The following RORA variants were observed in gnomAD, a reference collection of about 807,000 sequenced individuals.
RORA encodes RAR related orphan receptor A.
Under a neutral mutation model 69.5 loss-of-function variants are expected in RORA, and 7 were observed. That is an observed-to-expected ratio of 0.10 (90% confidence interval 0.06 to 0.19). The LOEUF is 0.19. Ranked by LOEUF, RORA falls within the 10% of genes least tolerant of loss-of-function variation. The pLI, the probability that RORA is intolerant of heterozygous loss-of-function variation, is 1.00. For synonymous variants in RORA, 261 were observed against 240.8 expected, an observed-to-expected ratio of 1.08 and a Z score of -0.78; for missense variants, 457 against 663.0, an observed-to-expected ratio of 0.69 and a Z score of 3.41.
intron 1 of RORA, among the ~76,000 whole-genome samples, chr15:61,198,518 G>C (rs1316377692): frequency 6.6e-6 from 1 of 152,116 alleles, no homozygotes; most frequent in Non-Finnish European, 1.5e-5. Flanking sequence ...TCCATCCTTT[G>C]AAACTAGACT....
At chr15:61,004,097 G>T (rs1246292524) in intron 1 of RORA, among the ~76,000 whole-genome samples, 3 of 152,168 alleles carry the variant, frequency 2.0e-5, no homozygotes, top group African/African-American at 7.2e-5. Flanking sequence ...ATCCCAGAGT[G>T]AAGGGGAGTC....
intron 1 of RORA, among the ~76,000 whole-genome samples, chr15:60,752,217 T>G (rs143078020): frequency 1.8e-3 from 275 of 152,028 alleles, no homozygotes; most frequent in South Asian, 3.8e-3. Flanking sequence ...CAACCAAAAT[T>G]TTGCGCACCA....
chr15:61,042,943 C>G (rs1394482375), intron 1 of RORA, among the ~76,000 whole-genome samples: 2 of 152,172 alleles, frequency 1.3e-5, no homozygotes, highest in Non-Finnish European at 2.9e-5. Context: ...AGCAGAGAAA[C>G]TGAGCAAGGG....
At chr15:60,554,284 C>G (rs1595964233) in intron 2 of RORA, among the ~76,000 whole-genome samples, 1 of 152,068 alleles carries the variant, frequency 6.6e-6, no homozygotes, top group Non-Finnish European at 1.5e-5. Context: ...AATAAAAGCA[C>G]AAGGCTATTA....
At chr15:60,779,408 C>G (rs1285278553) in intron 1 of RORA, among the ~76,000 whole-genome samples, 1 of 152,194 alleles carries the variant, frequency 6.6e-6, no homozygotes, top group African/African-American at 2.4e-5. Context: ...CAGTCTAATG[C>G]ATCTCTCCAT....
intron 1 of RORA, among the ~76,000 whole-genome samples, chr15:60,793,797 AAGGCTTACTGGCCACCAAATCCTGGG>A (rs2072451216): frequency 6.6e-6 from 1 of 152,184 alleles, no homozygotes; most frequent in African/African-American, 2.4e-5. Context: ...GCTAGACTCC[AAGGCTTACTGGCCACCAAATCCTGGG>A]AGGCTGCCCT....
Position 61,213,006 on chromosome 15 carries a change from T to A in RORA, c.166+16047A>T, listed in dbSNP as rs1261811724. 1.3e-5 allele frequency among the ~76,000 whole-genome samples: 2 copies of A among 152,154 alleles called. No individual in the cohort carries two copies. Among genetic ancestry groups the A allele is most frequent in the Non-Finnish European group, 2.9e-5 (2 of 68,016 alleles). On this transcript the variant is annotated intron_variant, in intron 1 of 10. Coordinates refer to ENST00000335670, the MANE Select transcript of RORA (RefSeq NM_134261.3). This position sits in a 1 kb window ranked among gnomAD's most constrained non-coding sequence, Gnocchi z 4.1. Reference sequence around the variant, plus strand: ...TTTTGTTTTCTTGCCTAATGCCACATGTAACATATTGTCACCTGCTCCCTG... The same window carrying A: ...TTTTGTTTTCTTGCCTAATGCCACAAGTAACATATTGTCACCTGCTCCCTG...
At chr15:60,527,780 C>T (rs1445153571) in intron 3 of RORA, among the ~76,000 whole-genome samples, 1 of 152,180 alleles carries the variant, frequency 6.6e-6, no homozygotes, top group African/African-American at 2.4e-5. Context: ...CCTGTCTACC[C>T]TCATCTTCCA....
intron 1 of RORA, among the ~76,000 whole-genome samples, chr15:60,827,653 G>T (rs975450357): frequency 1.3e-5 from 2 of 152,202 alleles, no homozygotes; most frequent in Non-Finnish European, 2.9e-5. Context: ...GCGGGTGTTG[G>T]AGCTGCCTCC....
At chr15:61,042,133 T>C (rs920750558) in intron 1 of RORA, among the ~76,000 whole-genome samples, 1 of 152,240 alleles carries the variant, frequency 6.6e-6, no homozygotes, top group African/African-American at 2.4e-5. Context: ...TTTGATTTTA[T>C]GTTTCTAGAG....
chr15:60,791,245 T>A (rs986425805), intron 1 of RORA, among the ~76,000 whole-genome samples: 8 of 152,198 alleles, frequency 5.3e-5, no homozygotes, highest in African/African-American at 1.9e-4. Context: ...TAATATTAGT[T>A]CTGCCTCCCA....
chr15:60,718,944 G>T (rs1260331813), intron 1 of RORA, among the ~76,000 whole-genome samples: 5 of 152,072 alleles, frequency 3.3e-5, no homozygotes, highest in African/African-American at 4.8e-5. Flanking sequence ...ACAGGCTCCC[G>T]TGCCGTTCTG....
intron 1 of RORA, among the ~76,000 whole-genome samples, chr15:61,044,086 C>G (rs1054385571): frequency 6.6e-6 from 1 of 151,964 alleles, no homozygotes; most frequent in East Asian, 1.9e-4. Context: ...TTTAATGAAG[C>G]AGGATGGGCA....
At chr15:61,140,133 G>A (rs1156312894) in intron 1 of RORA, among the ~76,000 whole-genome samples, 1 of 152,162 alleles carries the variant, frequency 6.6e-6, no homozygotes, top group Non-Finnish European at 1.5e-5. Context: ...TCTTCAACAT[G>A]TCAATGGTCT....
chr15:60,921,955 A>G (rs1032340492), intron 1 of RORA, among the ~76,000 whole-genome samples: 15 of 152,228 alleles, frequency 9.9e-5, no homozygotes, highest in African/African-American at 2.4e-5. Flanking sequence ...AGAGAATACT[A>G]TAACAGACCC....
In RORA at chr15:60,493,987, A is replaced by T. The variant is rs35662384; in HGVS notation, c.*3468T>A. 0.023 allele frequency: 3,139 copies of T among 139,338 alleles called. 47 individuals carry two copies. The highest frequency in any genetic ancestry group is 0.043 in the Middle Eastern group (12 of 282). 8.6% of individuals were successfully genotyped at this position (139,338 alleles called of 1,614,324 possible). A position where few individuals can be genotyped will look rare whatever the true frequency, so the allele number is the denominator to read the frequency against. On this transcript the variant is annotated 3_prime_UTR_variant, in exon 11 of 11. Coordinates refer to ENST00000335670, the MANE Select transcript of RORA (RefSeq NM_134261.3). ...CACACACACACACACACACACACAC[A>T]CTCCTTCCTCACCTGACCCTCAGCC...
intron 1 of RORA, among the ~76,000 whole-genome samples, chr15:60,809,216 T>C (rs2072707515): frequency 6.6e-6 from 1 of 152,224 alleles, no homozygotes; most frequent in African/African-American, 2.4e-5. Flanking sequence ...CTAAATTCTA[T>C]AAATAAATAT....
chr15:61,030,480 C>G (rs961682327), intron 1 of RORA, among the ~76,000 whole-genome samples: 4 of 152,112 alleles, frequency 2.6e-5, no homozygotes, highest in African/African-American at 9.7e-5. Flanking sequence ...AGCCAGTGGG[C>G]ATGACCCATG....
At chr15:61,190,117 G>A (rs2140913953) in intron 1 of RORA, among the ~76,000 whole-genome samples, 1 of 152,180 alleles carries the variant, frequency 6.6e-6, no homozygotes, top group East Asian at 1.9e-4. Flanking sequence ...AAAGCCTGGT[G>A]AGGCTAATTC....
Sources: gnomAD v4.1 joint callset for allele counts (sites outside exome capture counted in the v4.1 genomes callset) on GRCh38, gnomAD v4.1.1 for gene constraint, Gnocchi (gnomAD v3.1) non-coding constraint, MANE v1.5 for transcripts, NCBI Gene and HGNC (gene_info 2026-07-23, HGNC 2026-07-21) for gene names.